Variants in ZNF678 observed in about 807,000 individuals in gnomAD.
ZNF678 encodes hypothetical protein MGC42493.
A neutral mutation model predicts 3.0 loss-of-function variants in ZNF678; 5 were observed. That is an observed-to-expected ratio of 1.69 (90% CI 0.88 to 3.56). The LOEUF (loss-of-function observed/expected upper bound fraction) is 3.56, where lower values mean the gene tolerates loss of function less well. Ranked by LOEUF, ZNF678 falls within the 30% of genes most tolerant of loss-of-function variation. The pLI is 0.00. For missense variants in ZNF678, 593 were observed against 605.0 expected (o/e 0.98, Z 0.21); for synonymous variants, 218 against 199.6 (o/e 1.09, Z -0.78).
intron 1 of ZNF678, among the ~76,000 whole-genome samples, chr1:227,616,609 T>C (rs3010190): frequency 0.47 from 72,023 of 152,092 alleles, 18,329 homozygotes; most frequent in African/African-American, 0.66. Context: ...TGGCCCCTTC[T>C]ACAAACCAGA....
chr1:227,563,791 CGGCCCGGAG>C (rs1480168399), intron 1 of ZNF678, 67 bp downstream of exon 1: 1 of 1,282,448 alleles, frequency 7.8e-7, no homozygotes, highest in East Asian at 5.6e-5. Flanking sequence ...CTAGAGTCCG[CGGCCCGGAG>C]TCCCGGCTGG....
At position 227,625,916 on chromosome 1, in the gene ZNF678, T is replaced by G. The variant is rs150906234; in HGVS notation, c.-163-20628T>G. Among the ~76,000 whole-genome samples, 710 of 152,280 alleles carry G rather than the reference T, an allele frequency of 4.7e-3. 3 individuals carry two copies. The highest frequency in any genetic ancestry group is 6.8e-3 in the Middle Eastern group (2 of 294). Reference sequence around the variant, plus strand: ...ATTTTCCCTGTCCAATAATGAGTATTTGCATGCATGCAAAGAGTGGTAGAG... The same window carrying G: ...ATTTTCCCTGTCCAATAATGAGTATGTGCATGCATGCAAAGAGTGGTAGAG... On this transcript the variant is annotated intron_variant, in intron 1 of 3. Transcript: ENST00000343776.
chr1:227,611,778 G>A (rs1388561837), intron 1 of ZNF678, among the ~76,000 whole-genome samples: 2 of 152,140 alleles, frequency 1.3e-5, no homozygotes, highest in African/African-American at 4.8e-5. Flanking sequence ...ACAGTTGGTT[G>A]CAGTTTATCT....
At chr1:227,673,419 A>G (rs190439376) in intron 5 of ZNF678, among the ~76,000 whole-genome samples, 10 of 152,304 alleles carry the variant, frequency 6.6e-5, no homozygotes, top group African/African-American at 2.2e-4. Flanking sequence ...TTATGGTTTG[A>G]GGTTTGCAGA....
chr1:227,669,508 G>A (rs904616848), intron 5 of ZNF678, among the ~76,000 whole-genome samples: 2 of 152,038 alleles, frequency 1.3e-5, no homozygotes, highest in Non-Finnish European at 2.9e-5. Flanking sequence ...AATTAGCCAG[G>A]TGCGGTGGCG....
intron 1 of ZNF678, among the ~76,000 whole-genome samples, chr1:227,623,268 G>A (rs192368600): frequency 8.2e-4 from 125 of 152,362 alleles, no homozygotes; most frequent in African/African-American, 2.8e-3. Flanking sequence ...TAATAGCACT[G>A]TCTATGGAAG....
At chr1:227,673,716 T>G (rs956664656) in intron 5 of ZNF678, among the ~76,000 whole-genome samples, 7 of 152,342 alleles carry the variant, frequency 4.6e-5, no homozygotes, top group African/African-American at 1.7e-4. Flanking sequence ...AATGAAGCTT[T>G]AGGACAGGGC....
intron 1 of ZNF678, among the ~76,000 whole-genome samples, chr1:227,565,395 C>G (rs1254697208): frequency 6.6e-6 from 1 of 152,154 alleles, no homozygotes; most frequent in Non-Finnish European, 1.5e-5. Context: ...GCTCTGTCAT[C>G]CAGGCTGCTG....
Position 227,626,596 on chromosome 1 carries a change from G to A in ZNF678, c.-163-19948G>A, listed in dbSNP as rs1658421152. Among the ~76,000 whole-genome samples the A allele has an allele frequency of 3.9e-5, 6 of 152,182 alleles. No individual in the cohort carries two copies. In the South Asian group the frequency reaches 1.2e-3, roughly 32 times the overall value. On this transcript the variant is annotated intron_variant, in intron 1 of 3. Transcript: ENST00000343776. Reference sequence around the variant, plus strand: ...AGCACAAGGTCATTGGTTAGGAAGGGCCGTCCATACAGCATTTCGTATGGG... The same window carrying A: ...AGCACAAGGTCATTGGTTAGGAAGGACCGTCCATACAGCATTTCGTATGGG...
chr1:227,609,287 C>A (rs1202108470), intron 1 of ZNF678, among the ~76,000 whole-genome samples: 3 of 151,516 alleles, frequency 2.0e-5, no homozygotes, highest in African/African-American at 7.3e-5. Flanking sequence ...AAGAACTAAA[C>A]CAAATATAAA....
At chr1:227,572,561 C>A (rs1003275292) in intron 1 of ZNF678, among the ~76,000 whole-genome samples, 1 of 152,088 alleles carries the variant, frequency 6.6e-6, no homozygotes, top group Non-Finnish European at 1.5e-5. Context: ...CGATGGGCAC[C>A]CAATCCTAGC....
intron 1 of ZNF678, among the ~76,000 whole-genome samples, chr1:227,617,016 A>G (rs1014039324): frequency 2.6e-5 from 4 of 152,218 alleles, no homozygotes; most frequent in African/African-American, 9.7e-5. Flanking sequence ...GTGTCATGGC[A>G]GATAAGGATG....
At chr1:227,606,825 C>T (rs1657885607) in intron 1 of ZNF678, among the ~76,000 whole-genome samples, 1 of 152,194 alleles carries the variant, frequency 6.6e-6, no homozygotes, top group African/African-American at 2.4e-5. Context: ...ACAAGGCACA[C>T]CCTGCACAGC....
At chr1:227,678,655 C>T (rs563224423), downstream of ZNF678, among the ~76,000 whole-genome samples, 1 of 152,274 alleles carries the variant, frequency 6.6e-6, no homozygotes, top group African/African-American at 2.4e-5. Flanking sequence ...GTGCTTTAGT[C>T]CAATTGGCCA....
intron 1 of ZNF678, among the ~76,000 whole-genome samples, chr1:227,583,960 A>G (rs553384298): frequency 1.3e-5 from 2 of 152,328 alleles, no homozygotes; most frequent in African/African-American, 4.8e-5. Context: ...TTCCACTTAT[A>G]TGGTTAGAAT....
intron 1 of ZNF678, among the ~76,000 whole-genome samples, chr1:227,595,746 A>G (rs1409741580): frequency 1.3e-5 from 2 of 152,206 alleles, no homozygotes; most frequent in Non-Finnish European, 2.9e-5. Flanking sequence ...AAGCCAGGTC[A>G]AAACCAAAAC....
downstream of ZNF678, among the ~76,000 whole-genome samples, chr1:227,678,964 T>G (rs1248080152): frequency 6.6e-6 from 1 of 152,214 alleles, no homozygotes; most frequent in Non-Finnish European, 1.5e-5. Context: ...TGGGATGTTG[T>G]ATTACCCCTT....
intron 1 of ZNF678, among the ~76,000 whole-genome samples, chr1:227,645,024 T>C (rs1352390519): frequency 2.6e-5 from 4 of 152,200 alleles, no homozygotes; most frequent in Non-Finnish European, 5.9e-5. Context: ...AGTATTTTTA[T>C]TGTCGTAGCC....
chr1:227,566,487 G>T (rs1656688645), intron 1 of ZNF678, among the ~76,000 whole-genome samples: 1 of 152,210 alleles, frequency 6.6e-6, no homozygotes, highest in Non-Finnish European at 1.5e-5. Context: ...ACACCGTGAG[G>T]CACAGTGCAG....
Sources: allele counts gnomAD v4.1 joint callset (sites outside exome capture counted in the v4.1 genomes callset), GRCh38; gene constraint gnomAD v4.1.1; transcripts MANE v1.5; gene names NCBI Gene and HGNC (gene_info 2026-07-23, HGNC 2026-07-21).